BBS12: variants seen among roughly 807,000 people sequenced by gnomAD.
BBS12 encodes chaperonin-containing T-complex member BBS12.
Under a neutral mutation model 5.6 loss-of-function variants are expected in BBS12, and 5 were observed. The observed-to-expected ratio is 0.89, with a 90% CI of 0.46 to 1.86. BBS12 has a LOEUF of 1.86. BBS12 is among the 40% of genes most tolerant of loss of function. The pLI is 0.01. For synonymous variants in BBS12, 308 were observed against 306.8 expected (o/e 1.00, Z -0.04); for missense variants, 748 against 830.4 (o/e 0.90, Z 1.22).
the BBS12 span, among the ~76,000 whole-genome samples, chr4:122,714,632 A>G: frequency 6.6e-6 from 1 of 151,892 alleles, no homozygotes; most frequent in East Asian, 1.9e-4. Flanking sequence ...AAATATAAAT[A>G]TATATAAATA....
At chr4:122,707,054 CTTTTT>C in the BBS12 span, among the ~76,000 whole-genome samples, 2 of 72,250 alleles carry the variant, frequency 2.8e-5, no homozygotes, top group Admixed American at 2.1e-4. Context: ...CTCTCTCTCT[CTTTTT>C]TTTTTTTTTT....
chr4:122,714,645 T>C, the BBS12 span, among the ~76,000 whole-genome samples: 116 of 150,982 alleles, frequency 7.7e-4, 2 homozygotes, highest in South Asian at 3.8e-3. Context: ...TATAAATATA[T>C]ACACACACAC....
chr4:122,708,899 G>A, the BBS12 span, among the ~76,000 whole-genome samples: 1 of 151,958 alleles, frequency 6.6e-6, no homozygotes, highest in African/African-American at 2.4e-5. Flanking sequence ...ATTGAACTAA[G>A]GCTCATTGTT....
At chr4:122,728,780 T>C (rs563740140), upstream of BBS12, 2 of 152,366 alleles carry the variant, frequency 1.3e-5, no homozygotes, top group South Asian at 2.1e-4. Context: ...CCTTCAGTTT[T>C]CATTTCAGTT....
chr4:122,704,579 C>G, the BBS12 span, among the ~76,000 whole-genome samples: 1 of 152,166 alleles, frequency 6.6e-6, no homozygotes, highest in African/African-American at 2.4e-5. Context: ...TAAGACGGTA[C>G]TTTAGAAGTT....
At chr4:122,715,448 G>A in the BBS12 span, among the ~76,000 whole-genome samples, 4 of 151,974 alleles carry the variant, frequency 2.6e-5, no homozygotes, top group East Asian at 3.9e-4. Flanking sequence ...TTCTCTGACC[G>A]GGTGCCTGTT....
chr4:122,716,704 T>TGG, the BBS12 span, among the ~76,000 whole-genome samples: 1 of 131,690 alleles, frequency 7.6e-6, no homozygotes, highest in African/African-American at 3.3e-5. Context: ...TGTGTGTGTA[T>TGG]ACATACACAT....
chr4:122,705,438 C>G, the BBS12 span, among the ~76,000 whole-genome samples: 1 of 152,112 alleles, frequency 6.6e-6, no homozygotes, highest in East Asian at 1.9e-4. Context: ...AAAACCCTAC[C>G]TCTACCAAAA....
the BBS12 span, among the ~76,000 whole-genome samples, chr4:122,721,134 G>A: frequency 3.3e-5 from 5 of 152,032 alleles, no homozygotes; most frequent in African/African-American, 7.2e-5. Flanking sequence ...AAAAAGTAAG[G>A]CCTTTTCAGA....
At chr4:122,719,891 A>G in the BBS12 span, among the ~76,000 whole-genome samples, 1 of 152,208 alleles carries the variant, frequency 6.6e-6, no homozygotes, top group African/African-American at 2.4e-5. Context: ...ACAAATCTGA[A>G]AGAGGAAAAC....
In BBS12 at chr4:122,743,617, G is replaced by T; in HGVS notation, c.1725G>T (p.Trp575Cys). The T allele has an allele frequency of 6.2e-7, 1 of 1,614,044 alleles. No individual in the cohort carries two copies. Among genetic ancestry groups the T allele is most frequent in the Non-Finnish European group, 8.5e-7 (1 of 1,179,992 alleles). The change falls in exon 2 of 2, where the codon TGG becomes TGT. Residue 575 changes from tryptophan to cysteine, a missense_variant. By Grantham distance (215) the Trp-to-Cys change is radical. Transcript: ENST00000314218. ...GGTGGCTGCATAATACTTCCTCTTG[G>T]CTGGCTTCATCTCTGGCAATATACA... ...CSGWLHNTSS[W>C]LASSLAIYRP...
the BBS12 span, among the ~76,000 whole-genome samples, chr4:122,701,018 ATCT>A: frequency 3.3e-5 from 5 of 152,190 alleles, no homozygotes; most frequent in Admixed American, 2.6e-4. Flanking sequence ...TTGAGGATAA[ATCT>A]TCTGCTTTGT....
the BBS12 span, among the ~76,000 whole-genome samples, chr4:122,701,450 C>G: frequency 6.6e-6 from 1 of 152,068 alleles, no homozygotes; most frequent in African/African-American, 2.4e-5. Context: ...AAAAGACCTA[C>G]GTTTTATACA....
chr4:122,713,360 A>G, the BBS12 span, among the ~76,000 whole-genome samples: 1 of 151,878 alleles, frequency 6.6e-6, no homozygotes, highest in Admixed American at 6.6e-5. Context: ...TTGGTGGCAC[A>G]TGCTGTAGTC....
chr4:122,723,998 T>C, the BBS12 span, among the ~76,000 whole-genome samples: 58 of 152,360 alleles, frequency 3.8e-4, 1 homozygote, highest in Middle Eastern at 0.01. Context: ...ATCTCATCTT[T>C]ATTTAATATT....
chr4:122,743,122 C>T lies in BBS12; in HGVS notation c.1230C>T (p.Asn410=), dbSNP rs142657474. The change falls in exon 2 of 2, where the codon AAC becomes AAT. Residue 410 remains asparagine, a synonymous_variant. Coordinates refer to ENST00000314218, the MANE Select transcript of BBS12 (RefSeq NM_152618.3). ...VLQVLIQFKV[N]LVLVQGNVSE... is the part of the protein sequence containing the mutation. ...AGGTGTTAATCCAGTTCAAGGTGAA[C>T]CTTGTCCTGGTACAAGGAAATGTGT... The T allele has an allele frequency of 5.6e-6, 9 of 1,614,088 alleles. No individual in the cohort carries two copies. The African/African-American group carries it at 1.2e-4, about 22-fold the overall frequency.
rs759793696 is a variant in BBS12, at chr4:122,743,328, TG to T, written c.1438del (p.Asp480MetfsTer3). On this transcript the variant is annotated frameshift_variant, in exon 2 of 2. Coordinates refer to ENST00000314218, the MANE Select transcript of BBS12 (RefSeq NM_152618.3). LOFTEE classifies it low-confidence loss of function (END_TRUNC). Reference sequence around the variant, plus strand: ...GTGACCTTCTGGAGAAGCAGCCCTTTGGATGTTGTAGATAGGAACAACAGAA... The same window carrying T: ...GTGACCTTCTGGAGAAGCAGCCCTTTGATGTTGTAGATAGGAACAACAGAA... ...VCVTFWRSSPLDVVDRNNRIA... is the reference protein window; with the variant it reads ...VCVTFWRSSPXDVVDRNNRIA... The T allele has an allele frequency of 2.5e-6, 4 of 1,614,182 alleles. No individual in the cohort carries two copies. The South Asian group carries it at 4.4e-5, about 18-fold the overall frequency.
In BBS12 at chr4:122,743,101, G is replaced by C. The variant is rs17006092; in HGVS notation, c.1209G>C (p.Val403=). 6.2e-7 allele frequency: 1 copy of C among 1,614,084 alleles called. No individual in the cohort carries two copies. Among genetic ancestry groups the C allele is most frequent in the Admixed American group, 1.7e-5 (1 of 60,014 alleles). The change falls in exon 2 of 2, where the codon GTG becomes GTC. Residue 403 remains valine, a synonymous_variant. Coordinates refer to ENST00000314218, the MANE Select transcript of BBS12 (RefSeq NM_152618.3). Reference sequence around the variant, plus strand: ...TGTGGGCAAATCACGTGTTACAGGTGTTAATCCAGTTCAAGGTGAACCTTG... The same window carrying C: ...TGTGGGCAAATCACGTGTTACAGGTCTTAATCCAGTTCAAGGTGAACCTTG... The part of the protein sequence containing the change: ...EELWANHVLQ[V]LIQFKVNLVL...
At chr4:122,716,692 T>TATGTGTGTGTATACATACAC in the BBS12 span, among the ~76,000 whole-genome samples, 1 of 66,706 alleles carries the variant, frequency 1.5e-5, no homozygotes. Context: ...CACATATGTG[T>TATGTGTGTGTATACATACAC]ATGTGTGTGT....
Sources: gnomAD v4.1 joint callset for allele counts (sites outside exome capture counted in the v4.1 genomes callset) on GRCh38, gnomAD v4.1.1 for gene constraint, MANE v1.5 for transcripts, NCBI Gene and HGNC (gene_info 2026-07-23, HGNC 2026-07-21) for gene names.